Variants in PIGF observed in about 807,000 individuals in gnomAD.
PIGF encodes the protein phosphatidylinositol glycan anchor biosynthesis class F, also known as GPI ethanolamine phosphate transferase, stabilizing subunit.
In PIGF, 23 loss-of-function variants were observed where a neutral mutation model predicts 26.0. The observed-to-expected ratio is 0.88, with a 90% CI of 0.64 to 1.25. The LOEUF (loss-of-function observed/expected upper bound fraction) is 1.25, where lower values mean the gene tolerates loss of function less well. Ranked by LOEUF, PIGF falls within the 50% of genes most tolerant of loss-of-function variation. The probability of loss-of-function intolerance (pLI) is 0.00; values close to 1 mark genes in which losing one functional copy is unlikely to be tolerated. For missense variants in PIGF, 278 were observed against 249.9 expected (o/e 1.11, Z -0.76); for synonymous variants, 93 against 92.6 (o/e 1.00, Z -0.03).
At chr2:46,600,761 G>A (rs1670031113) in intron 4 of PIGF, among the ~76,000 whole-genome samples, 1 of 152,048 alleles carries the variant, frequency 6.6e-6, no homozygotes, top group South Asian at 2.1e-4. Context: ...AATATAAGCT[G>A]AAGTTTTATG....
chr2:46,598,198 G>C lies in PIGF; in HGVS notation c.438-5615C>G, dbSNP rs78017423. 7.1e-3 allele frequency among the ~76,000 whole-genome samples: 1,067 copies of C among 150,706 alleles called. 12 individuals are homozygous for C. Among genetic ancestry groups the C allele is most frequent in the South Asian group, 0.04 (191 of 4,796 alleles). ...TGAATATGCATTTTGACTGCCTCCT[G>C]TTCACCTTTTATGGTAAACTTTAAA... On this transcript the variant is annotated intron_variant, in intron 4 of 5. Coordinates refer to ENST00000281382, the MANE Select transcript of PIGF (RefSeq NM_002643.4).
At chr2:46,583,349 G>C (rs557825795) in intron 5 of PIGF, among the ~76,000 whole-genome samples, 1 of 152,020 alleles carries the variant, frequency 6.6e-6, no homozygotes, top group Admixed American at 6.6e-5. Context: ...GATCTCCAAC[G>C]TCTCTCCCAT....
chr2:46,601,555 T>C (rs1023448382), intron 4 of PIGF, among the ~76,000 whole-genome samples: 2 of 152,116 alleles, frequency 1.3e-5, no homozygotes, highest in African/African-American at 4.8e-5. Flanking sequence ...ACTGTACAAC[T>C]CCTCCTAGTG....
intron 5 of PIGF, among the ~76,000 whole-genome samples, chr2:46,587,792 C>T (rs1004946035): frequency 6.6e-6 from 1 of 152,138 alleles, no homozygotes; most frequent in African/African-American, 2.4e-5. Flanking sequence ...GCCTAAAATA[C>T]AGACACCACC....
chr2:46,606,273 G>T (rs1003168894), intron 4 of PIGF, among the ~76,000 whole-genome samples: 1 of 152,252 alleles, frequency 6.6e-6, no homozygotes, highest in African/African-American at 2.4e-5. Flanking sequence ...AGAGACAACA[G>T]GTTTTATCAG....
At chr2:46,609,941 C>A (rs192599159) in intron 4 of PIGF, among the ~76,000 whole-genome samples, 1 of 152,276 alleles carries the variant, frequency 6.6e-6, no homozygotes, top group East Asian at 1.9e-4. Context: ...AAAAACGGCG[C>A]TGATACATTT....
rs1470741920 is a variant in PIGF, at chr2:46,612,332, T to C, written c.333A>G (p.Glu111=). Residue 111 remains glutamate (E), a synonymous_variant, in exon 4 of 6, where the codon GAA becomes GAG. Coordinates refer to ENST00000281382, the MANE Select transcript of PIGF (RefSeq NM_002643.4). ...ACAAAATAACTGCAAATAAAAATGT[T>C]TCCAATGCCAACCTAGAAAAAAAAA... ...YGAPLIELAL[E]TFLFAVILST... The C allele has an allele frequency of 3.6e-6, 5 of 1,396,166 alleles. No homozygotes were observed. Among genetic ancestry groups the C allele is most frequent in the Non-Finnish European group, 4.8e-6 (5 of 1,032,914 alleles). 86.5% of individuals were successfully genotyped at this position (1,396,166 alleles called of 1,614,324 possible). A position where few individuals can be genotyped will look rare whatever the true frequency, so the allele number is the denominator to read the frequency against.
Position 46,581,487 on chromosome 2 carries a change from C to T in PIGF, c.651G>A (p.Lys217=), listed in dbSNP as rs376861542. The change falls in exon 6 of 6, where the codon AAG becomes AAA. Residue 217 remains lysine (K), a synonymous_variant. Transcript: ENST00000281382. ...TCTCCCTTTGCTCCAGTTAATTGTTCTTGTATGTAAGTTGCTTTCTATTCC... is the reference window on the plus strand; with the variant it reads ...TCTCCCTTTGCTCCAGTTAATTGTTTTTGTATGTAAGTTGCTTTCTATTCC... ...IYWNRKQLTY[K]NN The T allele has an allele frequency of 4.0e-5, 64 of 1,610,880 alleles. No individual in the cohort carries two copies. The Middle Eastern group carries it at 9.0e-4, about 23-fold the overall frequency.
At chr2:46,585,931 G>A (rs928204807) in intron 5 of PIGF, among the ~76,000 whole-genome samples, 1 of 152,162 alleles carries the variant, frequency 6.6e-6, no homozygotes, top group South Asian at 2.1e-4. Context: ...CTGCCACCAC[G>A]TCCAGCTAAT....
chr2:46,591,949 C>T (rs1365713132), intron 5 of PIGF: 1 of 1,303,078 alleles, frequency 7.7e-7, no homozygotes, highest in African/African-American at 1.5e-5. Context: ...GAGGAACATT[C>T]AATTTGGCCA....
intron 4 of PIGF, among the ~76,000 whole-genome samples, chr2:46,598,319 T>G (rs758451327): frequency 6.6e-6 from 1 of 152,148 alleles, no homozygotes; most frequent in Non-Finnish European, 1.5e-5. Context: ...TGGATTTTAT[T>G]TGACGTATTC....
At chr2:46,599,853 C>T (rs940432466) in intron 4 of PIGF, among the ~76,000 whole-genome samples, 2 of 152,080 alleles carry the variant, frequency 1.3e-5, no homozygotes, top group Admixed American at 1.3e-4. Flanking sequence ...GGTTGTCATG[C>T]CGTTTCTTTT....
chr2:46,615,938 C>T (rs1288140356), intron 1 of PIGF: 3 of 152,040 alleles, frequency 2.0e-5, no homozygotes, highest in African/African-American at 7.2e-5. Context: ...AATTGTACTG[C>T]TAAACAAGGA....
chr2:46,591,813 T>A (rs1208182958), intron 5 of PIGF: 1 of 1,294,334 alleles, frequency 7.7e-7, no homozygotes, highest in African/African-American at 1.5e-5. Context: ...CTCACAGTGC[T>A]TTACCTAGCA....
chr2:46,615,806 A>T (rs1388624623), intron 1 of PIGF: 1 of 152,204 alleles, frequency 6.6e-6, no homozygotes, highest in Non-Finnish European at 1.5e-5. Context: ...CTTCAGAAAT[A>T]CCAAGATGAC....
intron 2 of PIGF, chr2:46,614,654 G>A (rs1344682243): frequency 4.2e-6 from 1 of 237,320 alleles, no homozygotes; most frequent in Non-Finnish European, 8.3e-6. Flanking sequence ...ACTGTCACAC[G>A]TATTTATTTT....
Position 46,588,088 on chromosome 2 carries a change from T to C in PIGF, c.546+4387A>G. On this transcript the variant is annotated intron_variant, in intron 5 of 5. Coordinates refer to ENST00000281382, the MANE Select transcript of PIGF (RefSeq NM_002643.4). This position sits in a 1 kb window ranked among gnomAD's most constrained non-coding sequence, Gnocchi z 4.1. ...AGTAAAACCTACCTTGCACTACGGTTGTCAGGATTAAGTTACTCATTTCAC... is the reference window on the plus strand; with the variant it reads ...AGTAAAACCTACCTTGCACTACGGTCGTCAGGATTAAGTTACTCATTTCAC... 6.3e-7 allele frequency: 1 copy of C among 1,593,608 alleles called. No individual in the cohort carries two copies. Among genetic ancestry groups the C allele is most frequent in the Non-Finnish European group, 8.6e-7 (1 of 1,169,388 alleles).
chr2:46,602,155 C>A (rs1670079397), intron 4 of PIGF, among the ~76,000 whole-genome samples: 2 of 151,800 alleles, frequency 1.3e-5, no homozygotes, highest in South Asian at 2.1e-4. Flanking sequence ...AACCAAATGA[C>A]CTTGTCTACT....
chr2:46,596,980 GCT>G (rs1004113502), intron 4 of PIGF, among the ~76,000 whole-genome samples: 1 of 152,036 alleles, frequency 6.6e-6, no homozygotes, highest in African/African-American at 2.4e-5. Flanking sequence ...CTTTTTCCCT[GCT>G]CTGTTTGCTT....
Sources: allele counts gnomAD v4.1 joint callset (sites outside exome capture counted in the v4.1 genomes callset), GRCh38; gene constraint gnomAD v4.1.1; non-coding constraint Gnocchi (gnomAD v3.1); transcripts MANE v1.5; gene names NCBI Gene and HGNC (gene_info 2026-07-23, HGNC 2026-07-21).